Variants in THSD7B observed in about 807,000 individuals in gnomAD.
THSD7B encodes thrombospondin type 1 domain containing 7B, also known as thrombospondin type-1 domain-containing protein 7B.
THSD7B carries 138 observed loss-of-function variants against 213.6 expected under a neutral mutation model. The ratio of observed to expected loss-of-function variants is 0.65; its 90% CI spans 0.56 to 0.74. THSD7B has a LOEUF of 0.74. THSD7B is among the 30% of genes least tolerant of loss of function. The pLI, the probability that THSD7B is intolerant of heterozygous loss-of-function variation, is 0.00. For missense variants in THSD7B, 1,931 were observed against 1,991.5 expected (o/e 0.97, Z 0.58); for synonymous variants, 742 against 687.0 (o/e 1.08, Z -1.25).
At chr2:136,994,145 G>C (rs1274626003) in intron 2 of THSD7B, among the ~76,000 whole-genome samples, 2 of 152,122 alleles carry the variant, frequency 1.3e-5, no homozygotes, top group African/African-American at 4.8e-5. Context: ...TTGGTGGATA[G>C]GTGAATTTGG....
At chr2:137,232,705 A>T (rs185822127) in intron 8 of THSD7B, among the ~76,000 whole-genome samples, 194 bp from the exon 9 acceptor site, 15 of 152,244 alleles carry the variant, frequency 9.9e-5, no homozygotes, top group African/African-American at 3.6e-4. Context: ...AGTGGAAAGG[A>T]GTGTACAATA....
chr2:137,386,563 G>C (rs1685898499), intron 12 of THSD7B, among the ~76,000 whole-genome samples: 1 of 152,132 alleles, frequency 6.6e-6, no homozygotes, highest in Admixed American at 6.5e-5. Context: ...TATTAGAGTT[G>C]AACTCTGGTC....
chr2:137,559,259 C>G (rs190956410), intron 15 of THSD7B, among the ~76,000 whole-genome samples: 4 of 152,126 alleles, frequency 2.6e-5, no homozygotes, highest in Admixed American at 2.6e-4. Flanking sequence ...ATTGCCAAGT[C>G]AATCCTAAGC....
At chr2:136,873,752 A>T (rs1230564413) in intron 1 of THSD7B, among the ~76,000 whole-genome samples, 6 of 152,140 alleles carry the variant, frequency 3.9e-5, no homozygotes, top group Non-Finnish European at 5.9e-5. Flanking sequence ...ACTGTCAGGC[A>T]CTCATCTATA....
Position 137,242,514 on chromosome 2 carries a change from A to G in THSD7B, c.2208A>G (p.Lys736=), listed in dbSNP as rs762553526. ...TVRPCFLPCK[K]DCIVTAFSEW... ...GCCCCTGTTTTCTCCCATGCAAAAA[A>G]GACTGTATTGTGACTGCTTTCAGTG... The change falls in exon 10 of 28, where the codon AAA becomes AAG. Residue 736 remains lysine, a synonymous_variant. Transcript: ENST00000409968. 6.2e-7 allele frequency: 1 copy of G among 1,613,942 alleles called. No individual in the cohort carries two copies. Among genetic ancestry groups the G allele is most frequent in the Non-Finnish European group, 8.5e-7 (1 of 1,179,834 alleles).
At position 137,670,125 on chromosome 2, in the gene THSD7B, G is replaced by T. The variant is rs367811660; in HGVS notation, c.4739+2264G>T. On this transcript the variant is annotated intron_variant, in intron 27 of 27. Coordinates refer to ENST00000409968, the MANE Select transcript of THSD7B (RefSeq NM_001316349.2). The stretch of plus-strand genomic sequence containing the variant: ...AATTACATAAATATTTATGCATATT[G>T]TATCTCATAGCCATTTTTTTGATCC... Among the ~76,000 whole-genome samples, 264 of 152,132 alleles carry T rather than the reference G, an allele frequency of 1.7e-3. 1 individual carries two copies. Among genetic ancestry groups the T allele is most frequent in the African/African-American group, 6.2e-3 (258 of 41,484 alleles).
chr2:137,295,257 A>G (rs1031395008), intron 12 of THSD7B, among the ~76,000 whole-genome samples: 2 of 152,154 alleles, frequency 1.3e-5, no homozygotes, highest in Non-Finnish European at 2.9e-5. Flanking sequence ...CAATTGAATG[A>G]GTATTTAGTT....
chr2:137,599,575 T>C (rs1682036192), intron 17 of THSD7B, among the ~76,000 whole-genome samples: 1 of 151,648 alleles, frequency 6.6e-6, no homozygotes, highest in Non-Finnish European at 1.5e-5. Context: ...GAAGTCAGTG[T>C]GGCGATTCCT....
intron 4 of THSD7B, among the ~76,000 whole-genome samples, chr2:137,107,521 A>C (rs1688278237): frequency 6.6e-6 from 1 of 152,310 alleles, no homozygotes; most frequent in Middle Eastern, 3.4e-3. Flanking sequence ...TGTATCCCAG[A>C]ATTTGAAGTA....
chr2:137,403,302 A>G (rs1484808004), intron 12 of THSD7B, among the ~76,000 whole-genome samples: 1 of 152,210 alleles, frequency 6.6e-6, no homozygotes, highest in African/African-American at 2.4e-5. Flanking sequence ...AAAAAAAGAT[A>G]GATTTATGGT....
chr2:136,855,189 A>T (rs952232077), intron 1 of THSD7B, among the ~76,000 whole-genome samples: 4 of 152,018 alleles, frequency 2.6e-5, no homozygotes, highest in Admixed American at 1.3e-4. Context: ...TTTTGACTTG[A>T]ATATTATTTA....
At chr2:137,265,646 T>A (rs1271969850) in intron 10 of THSD7B, among the ~76,000 whole-genome samples, 1 of 152,120 alleles carries the variant, frequency 6.6e-6, no homozygotes, top group Non-Finnish European at 1.5e-5. Flanking sequence ...TCCTGTTGAG[T>A]AGATAATTTT....
chr2:137,397,206 TATG>T (rs1363119835), intron 12 of THSD7B, among the ~76,000 whole-genome samples: 2 of 152,008 alleles, frequency 1.3e-5, no homozygotes, highest in Non-Finnish European at 2.9e-5. Context: ...ATCCTGTCAT[TATG>T]ATGTTAGCTG....
chr2:136,879,463 G>A (rs1337021919), intron 1 of THSD7B, among the ~76,000 whole-genome samples: 7 of 152,180 alleles, frequency 4.6e-5, no homozygotes, highest in African/African-American at 1.2e-4. Flanking sequence ...GAAAGTCATT[G>A]GTAGCTTGAT....
At chr2:137,508,948 G>A (rs558663924) in intron 15 of THSD7B, among the ~76,000 whole-genome samples, 76 of 152,172 alleles carry the variant, frequency 5.0e-4, no homozygotes, top group African/African-American at 1.5e-3. Context: ...CTGTTCTACC[G>A]TGCAGAGTTA....
At chr2:137,292,198 A>G (rs1683353832) in intron 12 of THSD7B, among the ~76,000 whole-genome samples, 2 of 152,142 alleles carry the variant, frequency 1.3e-5, no homozygotes, top group African/African-American at 2.4e-5. Context: ...ATTTCTTACA[A>G]CTTGTGCTTA....
At chr2:136,971,519 T>G (rs372240252) in intron 2 of THSD7B, among the ~76,000 whole-genome samples, 4 of 151,880 alleles carry the variant, frequency 2.6e-5, no homozygotes, top group African/African-American at 9.7e-5. Flanking sequence ...AAGCATGTTT[T>G]TAATACCAAG....
At chr2:137,202,900 A>G (rs1680908422) in intron 7 of THSD7B, among the ~76,000 whole-genome samples, 1 of 152,150 alleles carries the variant, frequency 6.6e-6, no homozygotes, top group African/African-American at 2.4e-5. Context: ...TGATAGTTGG[A>G]TAGATAACAG....
rs531830035 is a variant in THSD7B at position 137,077,275 on chromosome 2, G to A, written c.951-17598G>A. ...TGTCTTTGCTATTGTGAATAGTGCC[G>A]CAATAAACATACTTGTGCATGTGTC... On this transcript the variant is annotated intron_variant, in intron 3 of 27. Coordinates refer to ENST00000409968, the MANE Select transcript of THSD7B (RefSeq NM_001316349.2). 3.1e-3 allele frequency among the ~76,000 whole-genome samples: 465 copies of A among 152,082 alleles called. 1 individual carries two copies. The highest frequency in any genetic ancestry group is 5.5e-3 in the Non-Finnish European group (374 of 67,992).
Sources: allele counts gnomAD v4.1 joint callset (sites outside exome capture counted in the v4.1 genomes callset), GRCh38; gene constraint gnomAD v4.1.1; transcripts MANE v1.5; gene names NCBI Gene and HGNC (gene_info 2026-07-23, HGNC 2026-07-21).